Variants in RALGAPB observed in about 807,000 individuals in gnomAD.
RALGAPB encodes the protein ral GTPase-activating protein subunit beta.
RALGAPB carries 25 observed loss-of-function variants against 161.1 expected under a neutral mutation model. The observed-to-expected ratio is 0.16, with a 90% CI of 0.11 to 0.22. The LOEUF (loss-of-function observed/expected upper bound fraction) is 0.22. Among genes scored for constraint, RALGAPB ranks in the 10% least tolerant of loss-of-function variants. The pLI is 1.00. For missense variants in RALGAPB, 1,391 were observed against 1,815.2 expected, an observed-to-expected ratio of 0.77 and a Z score of 4.25; for synonymous variants, 629 against 626.1, an observed-to-expected ratio of 1.00 and a Z score of -0.07.
chr20:38,520,051 C>G (rs2086242726), intron 9 of RALGAPB, among the ~76,000 whole-genome samples: 1 of 152,136 alleles, frequency 6.6e-6, no homozygotes, highest in African/African-American at 2.4e-5. Context: ...ATACAAAAAT[C>G]ATAATTTTGG....
Position 38,526,008 on chromosome 20 carries a change from T to C in RALGAPB, c.2016T>C (p.Thr672=). 1.9e-6 allele frequency: 3 copies of C among 1,613,896 alleles called. No individual in the cohort carries two copies. The highest frequency in any genetic ancestry group is 2.5e-6 in the Non-Finnish European group (3 of 1,179,930). Residue 672 remains threonine, a synonymous_variant, in exon 13 of 30, where the codon ACT becomes ACC. Coordinates refer to ENST00000262879, the MANE Select transcript of RALGAPB (RefSeq NM_020336.4). ...LVNILIGALQ[T]ETDPNNTQMI... ...ATATATTAATAGGTGCCTTGCAAAC[T>C]GAAACGGACCCCAACAACACCCAAA...
chr20:38,493,262 T>A, intron 3 of RALGAPB, 130 bp downstream of exon 3: 1 of 713,588 alleles, frequency 1.4e-6, no homozygotes, highest in Non-Finnish European at 2.3e-6. Context: ...AGTTAAAGAT[T>A]GTATTAATGT....
intron 13 of RALGAPB, among the ~76,000 whole-genome samples, chr20:38,530,503 C>T (rs895783619): frequency 1.3e-5 from 2 of 151,622 alleles, no homozygotes; most frequent in Non-Finnish European, 2.9e-5. Flanking sequence ...AGCAATCCTG[C>T]TGACTCGGCC....
Position 38,551,131 on chromosome 20 carries a change from A to C in RALGAPB, c.3070A>C (p.Lys1024Gln). 6.2e-7 allele frequency: 1 copy of C among 1,614,016 alleles called. No individual in the cohort carries two copies. The highest frequency in any genetic ancestry group is 8.5e-7 in the Non-Finnish European group (1 of 1,179,864). Residue 1024 changes from lysine to glutamine, a missense_variant, in exon 21 of 30, where the codon AAA becomes CAA. Around this residue, in one of 3 missense-constraint regions of RALGAPB, gnomAD observed 946 missense variants for 1,257.2 expected, o/e 0.75. Coordinates refer to ENST00000262879, the MANE Select transcript of RALGAPB (RefSeq NM_020336.4). The stretch of plus-strand genomic sequence containing the variant: ...TGACGTTGGATTTAAATATTCTGTG[A>C]AACATCGGCCATTTCCTGAAGAGGT... ...KNDVGFKYSVKHRPFPEEVDK... is the reference protein window; with the variant it reads ...KNDVGFKYSVQHRPFPEEVDK...
intron 2 of RALGAPB, among the ~76,000 whole-genome samples, chr20:38,491,464 C>T (rs983344622): frequency 6.6e-6 from 1 of 152,084 alleles, no homozygotes; most frequent in African/African-American, 2.4e-5. Flanking sequence ...AGTTGTAAAT[C>T]TAGCCATTCT....
intron 21 of RALGAPB, among the ~76,000 whole-genome samples, chr20:38,552,417 T>C (rs1404219502): frequency 6.6e-6 from 1 of 152,174 alleles, no homozygotes; most frequent in East Asian, 1.9e-4. Context: ...GTGCTGAGAA[T>C]TACAGGTGTA....
intron 13 of RALGAPB, among the ~76,000 whole-genome samples, chr20:38,527,023 C>G (rs1198359138): frequency 6.6e-6 from 1 of 152,196 alleles, no homozygotes; most frequent in South Asian, 2.1e-4. Context: ...AACAGGAGTC[C>G]CCACTGAACC....
At chr20:38,547,663 A>G (rs1205526629) in intron 19 of RALGAPB, 1 of 152,244 alleles carries the variant, frequency 6.6e-6, no homozygotes, top group Non-Finnish European at 1.5e-5. Context: ...GAATACCATC[A>G]TAAACTTCTG....
intron 22 of RALGAPB, among the ~76,000 whole-genome samples, chr20:38,555,035 G>T (rs2087528423): frequency 6.6e-6 from 1 of 152,142 alleles, no homozygotes; most frequent in South Asian, 2.1e-4. Flanking sequence ...AGTGAGTTAT[G>T]GTCACTCCAC....
At chr20:38,523,818 A>G (rs1393557939) in intron 10 of RALGAPB, among the ~76,000 whole-genome samples, 1 of 152,200 alleles carries the variant, frequency 6.6e-6, no homozygotes, top group South Asian at 2.1e-4. Context: ...GAGGACCTGT[A>G]AAAGAAAATG....
At chr20:38,474,709 T>A (rs938430884) in intron 1 of RALGAPB, among the ~76,000 whole-genome samples, 2 of 152,330 alleles carry the variant, frequency 1.3e-5, no homozygotes, top group East Asian at 1.9e-4. Context: ...GTGAAACTTA[T>A]CAGTTATTTT....
At chr20:38,520,524 C>CTTTTTTTTTTTTTT (rs775371608) in intron 9 of RALGAPB, among the ~76,000 whole-genome samples, 3 of 70,322 alleles carry the variant, frequency 4.3e-5, no homozygotes, top group African/African-American at 5.8e-5. Flanking sequence ...TGTGTTTTGG[C>CTTTTTTTTTTTTTT]TTTTTTTTTT....
chr20:38,509,681 C>G (rs1357342239), intron 6 of RALGAPB, among the ~76,000 whole-genome samples: 1 of 152,184 alleles, frequency 6.6e-6, no homozygotes, highest in Non-Finnish European at 1.5e-5. Flanking sequence ...CTGTCCCTGT[C>G]TTTTATATAG....
intron 5 of RALGAPB, among the ~76,000 whole-genome samples, chr20:38,500,584 A>G (rs1215813322): frequency 1.3e-5 from 2 of 152,164 alleles, no homozygotes; most frequent in Non-Finnish European, 2.9e-5. Flanking sequence ...TAACTCTATA[A>G]TGGCCTCAAA....
intron 18 of RALGAPB, among the ~76,000 whole-genome samples, chr20:38,542,128 G>A (rs1374375083): frequency 1.3e-5 from 2 of 152,224 alleles, no homozygotes; most frequent in Non-Finnish European, 1.5e-5. Flanking sequence ...CATAGTACAC[G>A]TGGAAAGATG....
At chr20:38,509,305 C>A in intron 6 of RALGAPB, 97 bp downstream of exon 6, 1 of 1,294,828 alleles carries the variant, frequency 7.7e-7, no homozygotes, top group Non-Finnish European at 1.1e-6. Context: ...AGAAGGTGGA[C>A]ACTAAGCCCC....
chr20:38,483,704 G>A (rs1334471717), intron 1 of RALGAPB, among the ~76,000 whole-genome samples: 1 of 152,136 alleles, frequency 6.6e-6, no homozygotes, highest in Non-Finnish European at 1.5e-5. Flanking sequence ...AGTAGACTAA[G>A]ACATGGCAAG....
intron 5 of RALGAPB, chr20:38,500,069 T>A (rs1480970811): frequency 6.6e-6 from 1 of 152,218 alleles, no homozygotes; most frequent in East Asian, 1.9e-4. Flanking sequence ...GCAGTTTTTT[T>A]ATAATAATAA....
chr20:38,562,613 G>T lies in RALGAPB; in HGVS notation c.3613G>T (p.Val1205Leu). Residue 1205 changes from valine (V) to leucine (L), a missense_variant, in exon 24 of 30, where the codon GTG (valine) becomes TTG (leucine). Transcript: ENST00000262879. ...GCTTTCCCTTGGCTGGTCAGTAGATGTGGGCAGACACCCTGGTTGGACTGG... is the reference window on the plus strand; with the variant it reads ...GCTTTCCCTTGGCTGGTCAGTAGATTTGGGCAGACACCCTGGTTGGACTGG... The part of the protein sequence containing the change: ...FLLSLGWSVD[V>L]GRHPGWTGHV... 1 of 1,613,986 alleles carries T rather than the reference G, an allele frequency of 6.2e-7. No homozygotes were observed. The highest frequency in any genetic ancestry group is 1.1e-5 in the South Asian group (1 of 91,070).
Sources: allele counts gnomAD v4.1 joint callset (sites outside exome capture counted in the v4.1 genomes callset), GRCh38; gene constraint gnomAD v4.1.1; regional missense constraint gnomAD v4.1.1; transcripts MANE v1.5; gene names NCBI Gene and HGNC (gene_info 2026-07-23, HGNC 2026-07-21).